FAM135B: variants seen among roughly 807,000 people sequenced by gnomAD.
FAM135B encodes family with sequence similarity 135 member B, also known as protein FAM135B.
A neutral mutation model predicts 127.7 loss-of-function variants in FAM135B; 43 were observed. The observed-to-expected ratio is 0.34, with a 90% CI of 0.26 to 0.43. The LOEUF (loss-of-function observed/expected upper bound fraction) is 0.43. Ranked by LOEUF, FAM135B falls within the 20% of genes least tolerant of loss-of-function variation. The pLI is 1.00. For synonymous variants in FAM135B, 670 were observed against 665.1 expected (o/e 1.01, Z -0.11); for missense variants, 1,558 against 1,725.6 (o/e 0.90, Z 1.72).
intron 2 of FAM135B, among the ~76,000 whole-genome samples, chr8:138,362,236 C>T (rs1001276049): frequency 2.0e-5 from 3 of 150,838 alleles, no homozygotes; most frequent in African/African-American, 7.3e-5. Context: ...TTCTTTTATA[C>T]CCATTAACCA....
At chr8:138,292,301 C>T (rs910147613) in intron 3 of FAM135B, among the ~76,000 whole-genome samples, 17 of 151,966 alleles carry the variant, frequency 1.1e-4, no homozygotes, top group African/African-American at 3.9e-4. Flanking sequence ...AGCTCATGTT[C>T]GTGGATTAAA....
At chr8:138,335,768 T>G (rs1828532369) in intron 2 of FAM135B, among the ~76,000 whole-genome samples, 1 of 152,204 alleles carries the variant, frequency 6.6e-6, no homozygotes, top group East Asian at 1.9e-4. Context: ...AATAGACATC[T>G]ACAGAACTCT....
chr8:138,224,504 T>G (rs188479786), intron 7 of FAM135B, among the ~76,000 whole-genome samples: 33 of 152,336 alleles, frequency 2.2e-4, no homozygotes, highest in Admixed American at 1.2e-3. Flanking sequence ...AGGCCCGATC[T>G]CGGCTCACTG....
At chr8:138,454,948 C>T (rs371659457) in intron 1 of FAM135B, among the ~76,000 whole-genome samples, 1 of 152,146 alleles carries the variant, frequency 6.6e-6, no homozygotes. Flanking sequence ...ATTCAATAAA[C>T]GTATTGAGTC....
At position 138,242,538 on chromosome 8, in the gene FAM135B, C is replaced by T. The variant is rs1047754313; in HGVS notation, c.669+404G>A. On this transcript the variant is annotated intron_variant, in intron 7 of 19. Coordinates refer to ENST00000395297, the MANE Select transcript of FAM135B (RefSeq NM_015912.4). The surrounding 1 kb of genome is among the most constrained non-coding windows in gnomAD (Gnocchi z 9.6). ...ATGAGATTATTAGCTATTGGGGAGC[C>T]CACTCTACAGGTGGGAAAACTGATG... Among the ~76,000 whole-genome samples the T allele has an allele frequency of 6.6e-6, 1 of 151,994 alleles. No individual in the cohort carries two copies. Among genetic ancestry groups the T allele is most frequent in the African/African-American group, 2.4e-5 (1 of 41,362 alleles).
intron 1 of FAM135B, among the ~76,000 whole-genome samples, chr8:138,441,986 C>T (rs1348916210): frequency 4.6e-5 from 7 of 151,642 alleles, no homozygotes; most frequent in African/African-American, 1.7e-4. Flanking sequence ...CACACACACA[C>T]CGAGTGATGC....
chr8:138,491,142 C>CAAAAAAAAAAAAAAAAAAA (rs796189435), intron 1 of FAM135B, among the ~76,000 whole-genome samples: 1 of 73,738 alleles, frequency 1.4e-5, no homozygotes, highest in African/African-American at 4.5e-5. Context: ...AACTCTCTCT[C>CAAAAAAAAAAAAAAAAAAA]AAAAAAAAAA....
intron 2 of FAM135B, among the ~76,000 whole-genome samples, chr8:138,340,807 C>T (rs149228445): frequency 6.6e-6 from 1 of 152,302 alleles, no homozygotes; most frequent in East Asian, 1.9e-4. Flanking sequence ...TGCATCCACT[C>T]ATCCTTGAAG....
Position 138,414,459 on chromosome 8 carries a change from C to T in FAM135B, c.-19-46457G>A, listed in dbSNP as rs533943722. ...AGGGCCATTGGGCATTCTTCATTCCCGAAACACCCCCCAAAAGAGATGGTG... is the reference window on the plus strand; with the variant it reads ...AGGGCCATTGGGCATTCTTCATTCCTGAAACACCCCCCAAAAGAGATGGTG... On this transcript the variant is annotated intron_variant, in intron 1 of 19. Transcript: ENST00000395297. Among the ~76,000 whole-genome samples, 15 of 152,096 alleles carry T rather than the reference C, an allele frequency of 9.9e-5. No individual in the cohort carries two copies. The East Asian group carries it at 1.4e-3, about 14-fold the overall frequency.
chr8:138,248,715 G>T (rs1209320975), intron 6 of FAM135B, among the ~76,000 whole-genome samples: 4 of 151,386 alleles, frequency 2.6e-5, no homozygotes, highest in Admixed American at 2.0e-4. Context: ...AGCTACTTGG[G>T]TAGCTGAGGC....
intron 5 of FAM135B, among the ~76,000 whole-genome samples, chr8:138,255,549 G>A (rs1268077849): frequency 6.6e-6 from 1 of 152,210 alleles, no homozygotes; most frequent in East Asian, 1.9e-4. Flanking sequence ...AGAACGAGCA[G>A]GCTTGGCAGA....
chr8:138,386,377 A>G (rs910209274), intron 1 of FAM135B, among the ~76,000 whole-genome samples: 1 of 152,176 alleles, frequency 6.6e-6, no homozygotes, highest in African/African-American at 2.4e-5. Flanking sequence ...CCACCAGGTA[A>G]TAAAACTATT....
intron 3 of FAM135B, among the ~76,000 whole-genome samples, chr8:138,282,253 C>T (rs182987223): frequency 1.3e-5 from 2 of 152,216 alleles, no homozygotes; most frequent in African/African-American, 2.4e-5. Flanking sequence ...ATTTAGATTT[C>T]CTTGGGTCTG....
At chr8:138,276,859 G>T (rs1317570256) in intron 3 of FAM135B, among the ~76,000 whole-genome samples, 1 of 152,212 alleles carries the variant, frequency 6.6e-6, no homozygotes, top group Non-Finnish European at 1.5e-5. Flanking sequence ...CAGGTCACCG[G>T]CTGCCCTGGT....
At chr8:138,231,122 C>T (rs1381500407) in intron 7 of FAM135B, among the ~76,000 whole-genome samples, 3 of 152,052 alleles carry the variant, frequency 2.0e-5, no homozygotes, top group African/African-American at 2.4e-5. Context: ...GGGGTTCAAG[C>T]AATTCTCCTG....
rs183718571 is a variant in FAM135B at position 138,206,147 on chromosome 8, G to A, written c.670-8478C>T. On this transcript the variant is annotated intron_variant, in intron 7 of 19. Coordinates refer to ENST00000395297, the MANE Select transcript of FAM135B (RefSeq NM_015912.4). ...ACAGGCCAGCAGCACCTCCACCCAC[G>A]CACAGTTCAGTATCACCTCCACCTC... Among the ~76,000 whole-genome samples the A allele has an allele frequency of 4.1e-3, 549 of 133,454 alleles. 2 individuals carry two copies. The highest frequency in any genetic ancestry group is 6.6e-3 in the Non-Finnish European group (413 of 62,750). The allele number at this position is 133,454 out of a possible 152,430, so 87.6% of individuals were successfully genotyped here. A position where few individuals can be genotyped will look rare whatever the true frequency, so the allele number is the denominator to read the frequency against.
chr8:138,223,174 G>A (rs888248741), intron 7 of FAM135B, among the ~76,000 whole-genome samples: 5 of 152,096 alleles, frequency 3.3e-5, no homozygotes, highest in African/African-American at 1.2e-4. Flanking sequence ...TCCCTCTAAG[G>A]GTTATCACGG....
At chr8:138,257,765 T>C (rs956553624) in intron 4 of FAM135B, among the ~76,000 whole-genome samples, 2 of 152,186 alleles carry the variant, frequency 1.3e-5, no homozygotes, top group African/African-American at 4.8e-5. Flanking sequence ...TGTCTGCTGA[T>C]GTGTCTTGTT....
chr8:138,271,979 T>C (rs539271535), intron 3 of FAM135B, among the ~76,000 whole-genome samples: 2 of 152,168 alleles, frequency 1.3e-5, no homozygotes, highest in South Asian at 2.1e-4. Flanking sequence ...ATATAGTTGA[T>C]GGTACAATGA....
Sources: allele counts gnomAD v4.1 joint callset (sites outside exome capture counted in the v4.1 genomes callset), GRCh38; gene constraint gnomAD v4.1.1; non-coding constraint Gnocchi (gnomAD v3.1); transcripts MANE v1.5; gene names NCBI Gene and HGNC (gene_info 2026-07-23, HGNC 2026-07-21).